The following TSHZ3 variants were observed in gnomAD, a reference collection of about 807,000 sequenced individuals.
TSHZ3 encodes teashirt homolog 3.
A neutral mutation model predicts 64.5 loss-of-function variants in TSHZ3; 10 were observed. The observed-to-expected ratio is 0.16, with a 90% CI of 0.10 to 0.26. TSHZ3 has a LOEUF of 0.26. TSHZ3 is among the 10% of genes least tolerant of loss of function. The probability of loss-of-function intolerance (pLI) is 1.00; values close to 1 mark genes in which losing one functional copy is unlikely to be tolerated. For synonymous variants in TSHZ3, 608 were observed against 593.1 expected (o/e 1.03, Z -0.36); for missense variants, 1,242 against 1,421.7 (o/e 0.87, Z 2.03).
downstream of TSHZ3, among the ~76,000 whole-genome samples, chr19:31,270,962 T>A (rs1331718128): frequency 6.6e-6 from 1 of 152,204 alleles, no homozygotes; most frequent in Non-Finnish European, 1.5e-5. Context: ...ATCATTAGAA[T>A]TTAATTCTTT....
At position 31,157,916 on chromosome 19, in the gene TSHZ3, T is replaced by C. The variant is rs186388528; in HGVS notation, n.810-1499A>G. ...CATAGGCTGCTTCTAAGACCGCTTT[T>C]CCCAGCCCTGCCTCACCCTGTGGTC... is the stretch of plus-strand genomic sequence containing the variant. On this transcript the variant is annotated intron_variant and non_coding_transcript_variant, in intron 5 of 6. Transcript: ENST00000651361. Among the ~76,000 whole-genome samples the C allele has an allele frequency of 2.8e-3, 430 of 152,316 alleles. 5 individuals carry two copies. Among genetic ancestry groups the C allele is most frequent in the African/African-American group, 9.8e-3 (409 of 41,568 alleles).
chr19:31,249,795 G>A (rs1414457611), intron 1 of TSHZ3, among the ~76,000 whole-genome samples: 1 of 152,096 alleles, frequency 6.6e-6, no homozygotes, highest in Non-Finnish European at 1.5e-5. Flanking sequence ...CCCAACCCCA[G>A]CTTCCTCCAA....
At chr19:31,179,788 A>G (rs528659956) in intron 5 of TSHZ3, among the ~76,000 whole-genome samples, 15 of 145,076 alleles carry the variant, frequency 1.0e-4, no homozygotes, top group South Asian at 9.0e-4. Flanking sequence ...AATGGTGGTG[A>G]TGGTGGTGGT....
upstream of TSHZ3, among the ~76,000 whole-genome samples, chr19:31,350,804 C>A (rs2021699959): frequency 1.4e-5 from 2 of 147,712 alleles, no homozygotes; most frequent in Admixed American, 6.7e-5. Flanking sequence ...GGAGCCCGAG[C>A]GGCGCGGGCG....
rs1974322532 is a variant in TSHZ3, at chr19:31,157,654, T to C, written n.810-1237A>G. Among the ~76,000 whole-genome samples the C allele has an allele frequency of 2.6e-5, 4 of 152,300 alleles. No individual in the cohort carries two copies. The South Asian group carries it at 8.3e-4, about 32-fold the overall frequency. ...TGAATTAAACACAAACATATATGGC[T>C]ATATACCTAAGTACAGGAAAGTGGC... On this transcript the variant is annotated intron_variant and non_coding_transcript_variant, in intron 5 of 6. Coordinates refer to the TSHZ3 transcript ENST00000651361.
chr19:31,288,605 T>G (rs1254959703), intron 1 of TSHZ3, among the ~76,000 whole-genome samples: 1 of 151,986 alleles, frequency 6.6e-6, no homozygotes, highest in Non-Finnish European at 1.5e-5. Flanking sequence ...TGTAGTGGTG[T>G]GATCATGGCT....
rs1273861816 is a variant in TSHZ3 at position 31,275,595 on chromosome 19, G to A, written c.*952C>T. The A allele has an allele frequency of 6.6e-6, 1 of 152,414 alleles. No homozygotes were observed. Among genetic ancestry groups the A allele is most frequent in the Non-Finnish European group, 1.5e-5 (1 of 68,010 alleles). The allele number at this position is 152,414 out of a possible 1,614,324, so 9.4% of individuals were successfully genotyped here. On this transcript the variant is annotated 3_prime_UTR_variant, in exon 2 of 2. Transcript: ENST00000240587. Reference sequence around the variant, plus strand: ...TGTCTTTCCCGGTCTCGTTTATTCAGACTGCTCAAAACAAATGACAATATG... The same window carrying A: ...TGTCTTTCCCGGTCTCGTTTATTCAAACTGCTCAAAACAAATGACAATATG...
At chr19:31,345,816 G>GT (rs982944007) in intron 1 of TSHZ3, among the ~76,000 whole-genome samples, 1 of 151,846 alleles carries the variant, frequency 6.6e-6, no homozygotes, top group Non-Finnish European at 1.5e-5. Context: ...TTTCAGAAAT[G>GT]TTTTTTAAAA....
chr19:31,207,990 T>C (rs1170615632), intron 4 of TSHZ3, among the ~76,000 whole-genome samples: 1 of 152,190 alleles, frequency 6.6e-6, no homozygotes, highest in Non-Finnish European at 1.5e-5. Context: ...TTATCATAAG[T>C]GCAACGAATG....
chr19:31,280,634 T>C (rs1976344420), intron 1 of TSHZ3, among the ~76,000 whole-genome samples: 1 of 152,200 alleles, frequency 6.6e-6, no homozygotes, highest in Admixed American at 6.5e-5. Flanking sequence ...AATGTCAAAG[T>C]GTTTGCTCTT....
intron 1 of TSHZ3, among the ~76,000 whole-genome samples, chr19:31,291,228 C>A (rs1976559832): frequency 1.3e-5 from 2 of 152,232 alleles, no homozygotes; most frequent in African/African-American, 2.4e-5. Context: ...GAGTCCTGTT[C>A]CTCCAGCGGT....
Position 31,188,352 on chromosome 19 carries a change from G to A in TSHZ3, n.809+16604C>T, listed in dbSNP as rs748637562. On this transcript the variant is annotated intron_variant and non_coding_transcript_variant, in intron 5 of 6. Coordinates refer to the TSHZ3 transcript ENST00000651361. ...GTTTTATTTCTTCCTTTCCAAACCC[G>A]ATGAATTTTATATATTTTTCTGCCT... Among the ~76,000 whole-genome samples the A allele has an allele frequency of 4.6e-4, 70 of 151,532 alleles. 1 individual carries two copies. Among genetic ancestry groups the A allele is most frequent in the Non-Finnish European group, 1.0e-4 (7 of 67,766 alleles).
intron 4 of TSHZ3, among the ~76,000 whole-genome samples, chr19:31,205,979 G>A (rs1311823882): frequency 6.6e-6 from 1 of 152,188 alleles, no homozygotes; most frequent in Non-Finnish European, 1.5e-5. Context: ...GAGTAGGTGT[G>A]AGTGGATGAA....
downstream of TSHZ3, among the ~76,000 whole-genome samples, chr19:31,271,509 G>A (rs373528717): frequency 6.6e-6 from 1 of 152,212 alleles, no homozygotes; most frequent in African/African-American, 2.4e-5. Context: ...CTATCACAGA[G>A]GAGCTTGTCT....
intron 6 of TSHZ3, among the ~76,000 whole-genome samples, chr19:31,156,139 C>T (rs1786672956): frequency 6.6e-6 from 1 of 152,138 alleles, no homozygotes; most frequent in Non-Finnish European, 1.5e-5. Flanking sequence ...GTTAATTTGC[C>T]TATTCTGCTT....
At chr19:31,206,327 A>T (rs1975174879) in intron 4 of TSHZ3, among the ~76,000 whole-genome samples, 1 of 151,758 alleles carries the variant, frequency 6.6e-6, no homozygotes, top group Non-Finnish European at 1.5e-5. Context: ...ATGGATGGAT[A>T]GATGGATGAG....
intron 5 of TSHZ3, among the ~76,000 whole-genome samples, chr19:31,201,999 T>C (rs1975094219): frequency 6.6e-6 from 1 of 152,048 alleles, no homozygotes; most frequent in African/African-American, 2.4e-5. Flanking sequence ...GAACCCCATC[T>C]CTACTAAAAA....
rs546226096 is a variant in TSHZ3 at position 31,282,504 on chromosome 19, AG to A, written c.41-2753del. On this transcript the variant is annotated intron_variant, in intron 1 of 1. Coordinates refer to ENST00000240587, the MANE Select transcript of TSHZ3 (RefSeq NM_020856.4). Reference sequence around the variant, plus strand: ...GAGAGGGAAACCCAGGGGCTCTGCCAGCCCACATTCCACCCAGGGGCAATGC... The same window carrying A: ...GAGAGGGAAACCCAGGGGCTCTGCCACCCACATTCCACCCAGGGGCAATGC... Among the ~76,000 whole-genome samples the A allele has an allele frequency of 6.6e-5, 10 of 152,270 alleles. No individual in the cohort carries two copies. In the East Asian group the frequency reaches 1.9e-3, roughly 30 times the overall value.
Position 31,178,652 on chromosome 19 carries a change from C to G in TSHZ3, n.810-22235G>C, listed in dbSNP as rs1334286418. On this transcript the variant is annotated intron_variant and non_coding_transcript_variant, in intron 5 of 6. Transcript: ENST00000651361. Reference sequence around the variant, plus strand: ...CAAGATCGCGCCATTGCACTCCAGCCTGGGCGACAAGAACAAAACTCCTTC... The same window carrying G: ...CAAGATCGCGCCATTGCACTCCAGCGTGGGCGACAAGAACAAAACTCCTTC... 2.0e-5 allele frequency among the ~76,000 whole-genome samples: 3 copies of G among 152,182 alleles called. No individual in the cohort carries two copies. The East Asian group carries it at 5.8e-4, about 29-fold the overall frequency.
Sources: gnomAD v4.1 joint callset for allele counts (sites outside exome capture counted in the v4.1 genomes callset) on GRCh38, gnomAD v4.1.1 for gene constraint, MANE v1.5 for transcripts, NCBI Gene and HGNC (gene_info 2026-07-23, HGNC 2026-07-21) for gene names.